AGO2: variants seen among roughly 807,000 people sequenced by gnomAD.
AGO2 encodes the protein argonaute RISC catalytic component 2, also known as protein argonaute-2.
In AGO2, 5 loss-of-function variants were observed where a neutral mutation model predicts 102.3. That is an observed-to-expected ratio of 0.05 (90% confidence interval 0.03 to 0.10). AGO2 has a LOEUF of 0.10. Ranked by LOEUF, AGO2 falls within the 10% of genes least tolerant of loss-of-function variation. The pLI is 1.00. For synonymous variants in AGO2, 449 were observed against 473.1 expected (o/e 0.95, Z 0.66); for missense variants, 541 against 1,183.7 (o/e 0.46, Z 7.97).
chr8:140,612,002 T>C (rs1330384136), intron 1 of AGO2, among the ~76,000 whole-genome samples: 2 of 150,764 alleles, frequency 1.3e-5, no homozygotes, highest in East Asian at 2.0e-4. Context: ...AGGCGGGCGA[T>C]CACGAGGTCA....
chr8:140,639,688 G>C (rs2074430110), upstream of AGO2, among the ~76,000 whole-genome samples: 1 of 152,138 alleles, frequency 6.6e-6, no homozygotes, highest in South Asian at 2.1e-4. Flanking sequence ...TGGGAGGATT[G>C]CTTGAGCCCA....
At chr8:140,572,989 A>G in intron 2 of AGO2, 57 bp from the exon 3 acceptor site, 5 of 1,560,986 alleles carry the variant, frequency 3.2e-6, no homozygotes, top group Non-Finnish European at 4.3e-6. Flanking sequence ...AATGGCATAC[A>G]AGGACATTTT....
chr8:140,535,379 C>A (rs761174407), intron 17 of AGO2, 89 bp downstream of exon 17: 2 of 1,384,200 alleles, frequency 1.4e-6, no homozygotes, highest in African/African-American at 1.4e-5. Flanking sequence ...CCACATCCCA[C>A]GTGCCAGCCA....
chr8:140,601,468 G>GC (rs551589154), intron 1 of AGO2, among the ~76,000 whole-genome samples: 5 of 152,188 alleles, frequency 3.3e-5, no homozygotes, highest in African/African-American at 1.2e-4. Context: ...CTCTGTTTCT[G>GC]CCCCCCTGGT....
intron 1 of AGO2, among the ~76,000 whole-genome samples, chr8:140,627,682 C>T (rs1366499721): frequency 6.6e-6 from 1 of 152,124 alleles, no homozygotes; most frequent in Non-Finnish European, 1.5e-5. Flanking sequence ...CAGGTATTGG[C>T]CGATTTGCAT....
At chr8:140,603,135 C>A (rs1401615408) in intron 1 of AGO2, among the ~76,000 whole-genome samples, 1 of 152,166 alleles carries the variant, frequency 6.6e-6, no homozygotes, top group Non-Finnish European at 1.5e-5. Context: ...TCGGATGGTG[C>A]GGGTTGACTC....
intron 1 of AGO2, among the ~76,000 whole-genome samples, chr8:140,608,759 A>T (rs987081447): frequency 3.3e-5 from 5 of 152,244 alleles, no homozygotes; most frequent in Non-Finnish European, 5.9e-5. Context: ...AGACGAAAGC[A>T]GTGAGGGGTG....
In AGO2 at chr8:140,520,217, A is replaced by G. The variant is rs567932008; in HGVS notation, c.*11827T>C. 4 of 152,242 alleles carry G rather than the reference A, an allele frequency of 2.6e-5. No individual in the cohort carries two copies. Among genetic ancestry groups the G allele is most frequent in the Non-Finnish European group, 4.4e-5 (3 of 68,044 alleles). The allele number at this position is 152,242 out of a possible 1,614,324, so 9.4% of individuals were successfully genotyped here. A position where few individuals can be genotyped will look rare whatever the true frequency, so the allele number is the denominator to read the frequency against. On this transcript the variant is annotated 3_prime_UTR_variant, in exon 19 of 19. Transcript: ENST00000220592. ...CATACTATGAGGCAAAACAAAATTG[A>G]CACCATACAAAATAACTTTATAAAA...
chr8:140,640,568 G>C (rs531956054), upstream of AGO2, among the ~76,000 whole-genome samples: 1 of 151,908 alleles, frequency 6.6e-6, no homozygotes, highest in Admixed American at 6.6e-5. Context: ...GCACAGGCTA[G>C]AGTGCCAGTG....
chr8:140,535,063 G>A (rs970766630), intron 17 of AGO2, among the ~76,000 whole-genome samples: 5 of 152,224 alleles, frequency 3.3e-5, no homozygotes, highest in African/African-American at 1.2e-4. Flanking sequence ...TGCGCCAAGT[G>A]CTCGTGAATC....
At chr8:140,547,420 C>T (rs2072919970) in intron 13 of AGO2, 48 bp downstream of exon 13, 1 of 1,594,652 alleles carries the variant, frequency 6.3e-7, no homozygotes, top group Non-Finnish European at 8.5e-7. Context: ...TGCCAAGCGT[C>T]CCACTGTGCC....
chr8:140,586,425 G>A (rs2073657261), intron 1 of AGO2, among the ~76,000 whole-genome samples: 1 of 152,200 alleles, frequency 6.6e-6, no homozygotes, highest in South Asian at 2.1e-4. Context: ...CGCGGAGGTT[G>A]CAGTGAGCCG....
rs139389183 is a variant in AGO2 at position 140,585,247 on chromosome 8, G to A, written c.87C>T (p.Pro29=). 354 of 1,614,148 alleles carry A rather than the reference G, an allele frequency of 2.2e-4. 1 individual carries two copies. The highest frequency in any genetic ancestry group is 1.0e-3 in the South Asian group (93 of 91,078). The change falls in exon 2 of 19, where the codon CCC becomes CCT. Residue 29 remains proline (P), a synonymous_variant. Coordinates refer to ENST00000220592, the MANE Select transcript of AGO2 (RefSeq NM_012154.5). ...QGYAFKPPPR[P]DFGTSGRTIK... Reference sequence around the variant, plus strand: ...TTGTTCTCCCGGAGGTCCCAAAGTCGGGTCTAGGTGGAGGCTTGAAGGCAT... The same window carrying A: ...TTGTTCTCCCGGAGGTCCCAAAGTCAGGTCTAGGTGGAGGCTTGAAGGCAT...
rs2072903411 is a variant in AGO2 at position 140,546,498 on chromosome 8, C to T, written c.1748+970G>A. ...GGCCTGTGCACACAGCAGGGGCTCA[C>T]CACCGCCCACTTTCCAAATACAGAG... On this transcript the variant is annotated intron_variant, in intron 13 of 18. Transcript: ENST00000220592. Among the ~76,000 whole-genome samples the T allele has an allele frequency of 3.3e-5, 5 of 152,248 alleles. No individual in the cohort carries two copies. The South Asian group carries it at 1.0e-3, about 31-fold the overall frequency.
rs1363869401 is a variant in AGO2 at position 140,635,515 on chromosome 8, C to CGCCGAGGGGCTCCGGG, written c.-25_-10dup. The CGCCGAGGGGCTCCGGG allele has an allele frequency of 4.1e-6, 4 of 980,180 alleles. No homozygotes were observed. The highest frequency in any genetic ancestry group is 1.2e-4 in the East Asian group (1 of 8,640). 60.7% of individuals were successfully genotyped at this position (980,180 alleles called of 1,614,324 possible). A position where few individuals can be genotyped will look rare whatever the true frequency, so the allele number is the denominator to read the frequency against. ...CCGGCTCCCGAGTACATGGTGGCGC[C>CGCCGAGGGGCTCCGGG]GCCGAGGGGCTCCGGGGCCGAGGGG... On this transcript the variant is annotated 5_prime_UTR_variant, in exon 1 of 19. Coordinates refer to ENST00000220592, the MANE Select transcript of AGO2 (RefSeq NM_012154.5).
At chr8:140,585,027 G>A in intron 2 of AGO2, 92 bp downstream of exon 2, 4 of 1,289,248 alleles carry the variant, frequency 3.1e-6, no homozygotes, top group South Asian at 3.6e-5. Flanking sequence ...AACCCAGATG[G>A]ATCTGCTGAG....
At chr8:140,544,177 T>G (rs1249766158) in intron 14 of AGO2, 36 bp downstream of exon 14, 3 of 1,547,112 alleles carry the variant, frequency 1.9e-6, no homozygotes, top group Non-Finnish European at 1.7e-6. Context: ...CTGCATGTTG[T>G]CAATGGAAGA....
intron 3 of AGO2, among the ~76,000 whole-genome samples, chr8:140,564,432 CA>C (rs2073248874): frequency 6.6e-6 from 1 of 152,188 alleles, no homozygotes; most frequent in Non-Finnish European, 1.5e-5. Context: ...GGCCCTTGCA[CA>C]ACATGGGTTG....
chr8:140,587,104 G>A (rs1286189394), intron 1 of AGO2, among the ~76,000 whole-genome samples: 2 of 152,096 alleles, frequency 1.3e-5, no homozygotes, highest in Non-Finnish European at 2.9e-5. Context: ...AGGCACAGAC[G>A]CAGCTCGAGC....
Sources: gnomAD v4.1 joint callset for allele counts (sites outside exome capture counted in the v4.1 genomes callset) on GRCh38, gnomAD v4.1.1 for gene constraint, MANE v1.5 for transcripts, NCBI Gene and HGNC (gene_info 2026-07-23, HGNC 2026-07-21) for gene names.